GLUD1: variants seen among roughly 807,000 people sequenced by gnomAD.
GLUD1 encodes the protein glutamate dehydrogenase 1.
Under a neutral mutation model 56.0 loss-of-function variants are expected in GLUD1, and 22 were observed. That is an observed-to-expected ratio of 0.39 (90% CI 0.28 to 0.56). GLUD1 has a LOEUF of 0.56. GLUD1 is among the 20% of genes least tolerant of loss of function. GLUD1 has a pLI of 0.58. For synonymous variants in GLUD1, 223 were observed against 269.9 expected (o/e 0.83, Z 1.70); for missense variants, 451 against 732.0 (o/e 0.62, Z 4.43).
intron 3 of GLUD1, among the ~76,000 whole-genome samples, 176 bp from the exon 4 acceptor site, chr10:87,074,790 A>G (rs1303555261): frequency 6.6e-6 from 1 of 152,220 alleles, no homozygotes; most frequent in Non-Finnish European, 1.5e-5. Context: ...AAGGGATCAA[A>G]AAAGTAGGTT....
At chr10:87,081,689 A>G (rs1350915373) in intron 1 of GLUD1, among the ~76,000 whole-genome samples, 1 of 152,160 alleles carries the variant, frequency 6.6e-6, no homozygotes, top group Non-Finnish European at 1.5e-5. Context: ...GTGTCCACTC[A>G]GGGTTAAATG....
intron 12 of GLUD1, among the ~76,000 whole-genome samples, chr10:87,052,099 C>T (rs975094346): frequency 6.6e-6 from 1 of 152,180 alleles, no homozygotes; most frequent in African/African-American, 2.4e-5. Context: ...CCTGTAATCC[C>T]AGCACTTTGG....
intron 11 of GLUD1, among the ~76,000 whole-genome samples, chr10:87,055,136 G>C (rs1845734219): frequency 6.6e-6 from 1 of 152,206 alleles, no homozygotes; most frequent in Non-Finnish European, 1.5e-5. Context: ...GTCAGGGTGT[G>C]AACTGCCAGC....
At chr10:87,088,410 A>G (rs1388558627) in intron 1 of GLUD1, among the ~76,000 whole-genome samples, 1 of 152,214 alleles carries the variant, frequency 6.6e-6, no homozygotes, top group Middle Eastern at 3.2e-3. Context: ...CAAAAAACAC[A>G]TAATAGAAAA....
intron 3 of GLUD1, 117 bp from the exon 4 acceptor site, chr10:87,074,731 C>T (rs986097240): frequency 1.4e-5 from 10 of 700,176 alleles, no homozygotes; most frequent in Non-Finnish European, 2.1e-5. Context: ...TCATGTAATC[C>T]TTAGAACAAC....
At chr10:87,080,696 G>T (rs1163931281) in intron 1 of GLUD1, among the ~76,000 whole-genome samples, 1 of 146,196 alleles carries the variant, frequency 6.8e-6, no homozygotes, top group African/African-American at 2.6e-5. Flanking sequence ...GAGACCCTCT[G>T]CCCGGCAACC....
At chr10:87,075,219 C>G (rs565332977) in intron 3 of GLUD1, among the ~76,000 whole-genome samples, 5 of 152,250 alleles carry the variant, frequency 3.3e-5, no homozygotes, top group African/African-American at 1.2e-4. Context: ...CATGCCTGAG[C>G]CTCCCGAGTA....
chr10:87,089,755 T>C, intron 1 of GLUD1: 1 of 969,368 alleles, frequency 1.0e-6, no homozygotes, highest in Non-Finnish European at 1.2e-6. Flanking sequence ...TCCGACTTGA[T>C]AGTGAACACT....
rs1379142497 is a variant in GLUD1, at chr10:87,068,091, T to A, written c.713A>T (p.Asp238Val). The A allele has an allele frequency of 6.2e-7, 1 of 1,612,280 alleles. No individual in the cohort carries two copies. Among genetic ancestry groups the A allele is most frequent in the African/African-American group, 1.3e-5 (1 of 74,904 alleles). The change falls in exon 5 of 13, where the codon GAT (aspartate) becomes GTT (valine). Residue 238 changes from aspartate (D) to valine (V), a missense_variant. By Grantham distance (152) the Asp-to-Val change is radical (BLOSUM62 -3). Transcript: ENST00000277865. ...TGEREMSWIA[D>V]TYASTIGHYD... The stretch of plus-strand genomic sequence containing the variant: ...GTGCCCTATGGTGCTGGCATAGGTA[T>A]CAGCGATCCAGGACATCTCCCGCTC...
At chr10:87,078,655 T>A (rs1041198750) in intron 1 of GLUD1, among the ~76,000 whole-genome samples, 2 of 152,148 alleles carry the variant, frequency 1.3e-5, no homozygotes, top group Admixed American at 6.5e-5. Flanking sequence ...CACAAAAATA[T>A]TTGACATACA....
intron 1 of GLUD1, among the ~76,000 whole-genome samples, chr10:87,088,588 A>G (rs1841441182): frequency 6.6e-6 from 1 of 152,190 alleles, no homozygotes; most frequent in South Asian, 2.1e-4. Context: ...TATGTACAAA[A>G]TATCTTTTAA....
At position 87,094,133 on chromosome 10, in the gene GLUD1, T is replaced by G. The variant is rs923007977; in HGVS notation, c.445+192A>C. ...CGGGGGAGGGGGCAGGCCAATCGCA[T>G]GATGATTTTAAGGCGGAAAAATCAC... is the stretch of plus-strand genomic sequence containing the variant. On this transcript the variant is annotated intron_variant, in intron 1 of 12. Coordinates refer to ENST00000277865, the MANE Select transcript of GLUD1 (RefSeq NM_005271.5). This position sits in a 1 kb window ranked among gnomAD's most constrained non-coding sequence, Gnocchi z 6.6. 1.4e-6 allele frequency: 2 copies of G among 1,458,050 alleles called. No individual in the cohort carries two copies. The highest frequency in any genetic ancestry group is 2.8e-5 in the African/African-American group (2 of 70,218). 90.3% of individuals were successfully genotyped at this position (1,458,050 alleles called of 1,614,324 possible).
At chr10:87,083,382 G>C (rs1841307822) in intron 1 of GLUD1, among the ~76,000 whole-genome samples, 1 of 152,134 alleles carries the variant, frequency 6.6e-6, no homozygotes, top group African/African-American at 2.4e-5. Context: ...ACTTTTGAAT[G>C]CCTACTCTCG....
intron 1 of GLUD1, among the ~76,000 whole-genome samples, chr10:87,080,558 G>A (rs1421426267): frequency 4.0e-5 from 6 of 148,980 alleles, no homozygotes; most frequent in African/African-American, 1.5e-4. Flanking sequence ...GCCGCCCATC[G>A]TCTGCGATGT....
At chr10:87,078,203 G>A (rs564215124) in intron 1 of GLUD1, among the ~76,000 whole-genome samples, 16 of 152,228 alleles carry the variant, frequency 1.1e-4, no homozygotes, top group African/African-American at 3.9e-4. Context: ...GTGTATAACT[G>A]ATTCTCAAAT....
chr10:87,060,664 T>C, intron 8 of GLUD1, 24 bp downstream of exon 8: 1 of 1,614,028 alleles, frequency 6.2e-7, no homozygotes, highest in South Asian at 1.1e-5. Flanking sequence ...ATAATGTTGG[T>C]TCTGGTTTCT....
In GLUD1 at chr10:87,094,408, G is replaced by C. The variant is rs1201185656; in HGVS notation, c.362C>G (p.Pro121Arg). ...CCAGGAGCCGTCGTCGCGCCGGATG[G>C]GGAAGGAGAGACTCAGCACATGGTT... is the stretch of plus-strand genomic sequence containing the variant. ...PCNHVLSLSF[P>R]IRRDDGSWEV... Residue 121 changes from proline (P) to arginine (R), a missense_variant, in exon 1 of 13, where the codon CCC (proline) becomes CGC (arginine). Pro to Arg is a moderately radical substitution (Grantham distance 103, BLOSUM62 -2). This residue lies in a region of GLUD1 where 158 missense variants were observed against 189.7 expected (regional missense o/e 0.83). Coordinates refer to ENST00000277865, the MANE Select transcript of GLUD1 (RefSeq NM_005271.5). The surrounding 1 kb of genome is among the most constrained non-coding windows in gnomAD (Gnocchi z 6.6). The C allele has an allele frequency of 1.2e-6, 2 of 1,613,596 alleles. No homozygotes were observed. Among genetic ancestry groups the C allele is most frequent in the Non-Finnish European group, 1.7e-6 (2 of 1,179,900 alleles).
Position 87,094,831 on chromosome 10 carries a change from C to A in GLUD1, c.-62G>T. 1 of 1,314,058 alleles carries A rather than the reference C, an allele frequency of 7.6e-7. No individual in the cohort carries two copies. The highest frequency in any genetic ancestry group is 1.0e-6 in the Non-Finnish European group (1 of 957,694). The allele number at this position is 1,314,058 out of a possible 1,614,324, so 81.4% of individuals were successfully genotyped here. The stretch of plus-strand genomic sequence containing the variant: ...AACAGGCGCGCTTTCTCAGACTCCC[C>A]GCGACTAGGGAGGAAGGGTCCCGCG... On this transcript the variant is annotated 5_prime_UTR_variant, in exon 1 of 13. Transcript: ENST00000277865. The surrounding 1 kb of genome is among the most constrained non-coding windows in gnomAD (Gnocchi z 6.6).
chr10:87,068,587 G>T (rs1484484067), intron 4 of GLUD1, among the ~76,000 whole-genome samples: 1 of 152,164 alleles, frequency 6.6e-6, no homozygotes, highest in African/African-American at 2.4e-5. Context: ...AGAGTAACAT[G>T]CTGCTTAGTG....
Sources: allele counts gnomAD v4.1 joint callset (sites outside exome capture counted in the v4.1 genomes callset), GRCh38; gene constraint gnomAD v4.1.1; regional missense constraint gnomAD v4.1.1; non-coding constraint Gnocchi (gnomAD v3.1); transcripts MANE v1.5; gene names NCBI Gene and HGNC (gene_info 2026-07-23, HGNC 2026-07-21).